Variants in OSTF1 observed in about 807,000 individuals in gnomAD.
OSTF1 encodes the protein osteoclast-stimulating factor 1.
Under a neutral mutation model 37.2 loss-of-function variants are expected in OSTF1, and 27 were observed. The ratio of observed to expected loss-of-function variants is 0.73; its 90% confidence interval spans 0.54 to 1.00. OSTF1 has a LOEUF of 1.00. Among genes scored for constraint, OSTF1 ranks in the 50% least tolerant of loss-of-function variants. The probability of loss-of-function intolerance (pLI) is 0.00; values close to 1 mark genes in which losing one functional copy is unlikely to be tolerated. For missense variants in OSTF1, 232 were observed against 253.8 expected (o/e 0.91, Z 0.58); for synonymous variants, 82 against 89.2 (o/e 0.92, Z 0.46).
At chr9:75,100,787 G>A (rs2118416135) in intron 1 of OSTF1, among the ~76,000 whole-genome samples, 1 of 151,996 alleles carries the variant, frequency 6.6e-6, no homozygotes, top group East Asian at 1.9e-4. Flanking sequence ...GTCTGACCCG[G>A]GGCCTTGGCG....
intron 1 of OSTF1, among the ~76,000 whole-genome samples, chr9:75,100,688 G>A (rs1825175383): frequency 1.3e-5 from 2 of 150,502 alleles, no homozygotes; most frequent in Admixed American, 6.6e-5. Context: ...CTGATATCAG[G>A]CCACTGTAGT....
intron 2 of OSTF1, among the ~76,000 whole-genome samples, chr9:75,118,017 C>T (rs530341563): frequency 3.9e-5 from 6 of 152,234 alleles, no homozygotes; most frequent in East Asian, 3.9e-4. Context: ...GTTTATTAAG[C>T]GCCTATTATA....
At position 75,134,380 on chromosome 9, in the gene OSTF1, T is replaced by A; in HGVS notation, c.393T>A (p.Ile131=). 1 of 1,566,874 alleles carries A rather than the reference T, an allele frequency of 6.4e-7. No homozygotes were observed. ...IVEMLFTQPN[I]ELNQQNKLGD... is the part of the protein sequence containing the mutation. ...AAATGCTATTTACTCAACCAAATAT[T>A]GAACTGAACCAGCAGGTAAGACTGC... The change falls in exon 7 of 10, where the codon ATT becomes ATA. Residue 131 remains isoleucine, a synonymous_variant. Transcript: ENST00000346234.
At chr9:75,138,354 C>G (rs1825875585) in intron 8 of OSTF1, among the ~76,000 whole-genome samples, 1 of 152,162 alleles carries the variant, frequency 6.6e-6, no homozygotes, top group Non-Finnish European at 1.5e-5. Flanking sequence ...GTGATGTAAG[C>G]TGCAGGTCTA....
chr9:75,109,748 G>A (rs1487279605), intron 1 of OSTF1, among the ~76,000 whole-genome samples: 1 of 152,126 alleles, frequency 6.6e-6, no homozygotes, highest in African/African-American at 2.4e-5. Context: ...GCAACTTAAG[G>A]TCTCAAGGCA....
chr9:75,106,648 A>G (rs947882406), intron 1 of OSTF1, among the ~76,000 whole-genome samples: 13 of 132,398 alleles, frequency 9.8e-5, no homozygotes, highest in African/African-American at 4.0e-4. Context: ...TCCATCTCGA[A>G]AAAAAAAAAA....
intron 1 of OSTF1, among the ~76,000 whole-genome samples, chr9:75,092,249 G>T (rs192511944): frequency 3.9e-5 from 6 of 152,194 alleles, no homozygotes; most frequent in African/African-American, 1.4e-4. Context: ...GGGAAGTCCC[G>T]GGCAGATGCT....
At chr9:75,099,793 C>G (rs144383903) in intron 1 of OSTF1, among the ~76,000 whole-genome samples, 8 of 152,056 alleles carry the variant, frequency 5.3e-5, no homozygotes, top group African/African-American at 1.9e-4. Flanking sequence ...AGTGCCATTG[C>G]ACTCCAGCCT....
At position 75,140,885 on chromosome 9, in the gene OSTF1, C is replaced by T. The variant is rs1218443744; in HGVS notation, c.539C>T (p.Ala180Val). 6.2e-7 allele frequency: 1 copy of T among 1,613,798 alleles called. No individual in the cohort carries two copies. The highest frequency in any genetic ancestry group is 1.7e-5 in the Admixed American group (1 of 60,016). Reference sequence around the variant, plus strand: ...GAGAAGAAGCTGGCCTTCGACATGGCTACCAATGCTGCCTGTGCATCTCTC... The same window carrying T: ...GAGAAGAAGCTGGCCTTCGACATGGTTACCAATGCTGCCTGTGCATCTCTC... ...NIEKKLAFDM[A>V]TNAACASLLK... is the part of the protein sequence containing the mutation. Residue 180 changes from alanine (A) to valine (V), a missense_variant, in exon 9 of 10, where the codon GCT becomes GTT. Physicochemically the swap from Ala to Val is moderately conservative, Grantham distance 64. Coordinates refer to ENST00000346234, the MANE Select transcript of OSTF1 (RefSeq NM_012383.5).
At chr9:75,095,492 A>G (rs1013578753) in intron 1 of OSTF1, among the ~76,000 whole-genome samples, 8 of 152,184 alleles carry the variant, frequency 5.3e-5, no homozygotes, top group African/African-American at 9.6e-5. Flanking sequence ...AGAGTTCCCA[A>G]TGCTGAGTAA....
intron 1 of OSTF1, among the ~76,000 whole-genome samples, chr9:75,107,636 C>G (rs1825311891): frequency 6.6e-6 from 1 of 152,096 alleles, no homozygotes; most frequent in Non-Finnish European, 1.5e-5. Flanking sequence ...GCAATGGCTC[C>G]CAAACATTTT....
At chr9:75,105,357 G>T (rs1374361373) in intron 1 of OSTF1, among the ~76,000 whole-genome samples, 1 of 152,296 alleles carries the variant, frequency 6.6e-6, no homozygotes, top group African/African-American at 2.4e-5. Context: ...GCCACACGTT[G>T]CTCTTTTGCA....
At chr9:75,107,264 T>C (rs1825304925) in intron 1 of OSTF1, among the ~76,000 whole-genome samples, 1 of 152,194 alleles carries the variant, frequency 6.6e-6, no homozygotes, top group African/African-American at 2.4e-5. Context: ...TTTAGTAGAA[T>C]AATTCAAATA....
chr9:75,137,711 CT>C, intron 8 of OSTF1, 95 bp downstream of exon 8: 1 of 780,064 alleles, frequency 1.3e-6, no homozygotes, highest in Non-Finnish European at 2.2e-6. Flanking sequence ...GAATAATAGT[CT>C]TATTTCAAAA....
chr9:75,144,631 C>G (rs1048275790), intron 9 of OSTF1, among the ~76,000 whole-genome samples: 2 of 152,126 alleles, frequency 1.3e-5, no homozygotes, highest in Admixed American at 6.6e-5. Flanking sequence ...TTGTACTGAT[C>G]ATCCCTTCTT....
intron 4 of OSTF1, 134 bp downstream of exon 4, chr9:75,130,775 A>C (rs1186387172): frequency 1.7e-5 from 11 of 640,038 alleles, no homozygotes; most frequent in Non-Finnish European, 3.2e-5. Context: ...CTATTCCATG[A>C]GCCTTCTGTT....
intron 9 of OSTF1, among the ~76,000 whole-genome samples, chr9:75,144,225 C>T (rs928298936): frequency 1.3e-5 from 2 of 152,128 alleles, no homozygotes; most frequent in Admixed American, 1.3e-4. Context: ...ATAGAGTCAA[C>T]CTGGAGACTT....
intron 1 of OSTF1, among the ~76,000 whole-genome samples, chr9:75,105,035 T>G (rs866767422): frequency 5.3e-5 from 8 of 152,206 alleles, no homozygotes; most frequent in African/African-American, 1.9e-4. Context: ...TGGCCCATGG[T>G]AAGTGTCCCA....
At chr9:75,135,080 C>T (rs1825821898) in intron 7 of OSTF1, among the ~76,000 whole-genome samples, 1 of 152,168 alleles carries the variant, frequency 6.6e-6, no homozygotes, top group African/African-American at 2.4e-5. Context: ...TGCTGTCCTC[C>T]AGGGAACCCC....
Sources: allele counts gnomAD v4.1 joint callset (sites outside exome capture counted in the v4.1 genomes callset), GRCh38; gene constraint gnomAD v4.1.1; transcripts MANE v1.5; gene names NCBI Gene and HGNC (gene_info 2026-07-23, HGNC 2026-07-21).